The following ADGRL3 variants were observed in gnomAD, a reference collection of about 807,000 sequenced individuals.
ADGRL3 encodes calcium-independent alpha-latrotoxin receptor 3.
Under a neutral mutation model 153.5 loss-of-function variants are expected in ADGRL3, and 62 were observed. The observed-to-expected ratio is 0.40, with a 90% CI of 0.33 to 0.50. ADGRL3 has a LOEUF of 0.50. Ranked by LOEUF, ADGRL3 falls within the 20% of genes least tolerant of loss-of-function variation. The pLI is 0.47. For missense variants in ADGRL3, 1,641 were observed against 1,859.4 expected (o/e 0.88, Z 2.16); for synonymous variants, 710 against 672.5 (o/e 1.06, Z -0.86).
chr4:61,233,523 G>A (rs1446521996), intron 1 of ADGRL3, among the ~76,000 whole-genome samples: 1 of 152,140 alleles, frequency 6.6e-6, no homozygotes, highest in African/African-American at 2.4e-5. Context: ...TATTAAACAG[G>A]CAGTCGAGGA....
intron 1 of ADGRL3, among the ~76,000 whole-genome samples, 155 bp from the exon 2 acceptor site, chr4:61,382,969 A>G (rs892762441): frequency 7.9e-5 from 12 of 151,866 alleles, no homozygotes; most frequent in Non-Finnish European, 1.8e-4. Flanking sequence ...TTTCCTCTAC[A>G]TACCATAGTT....
At chr4:61,268,273 T>G (rs2092968475) in intron 1 of ADGRL3, among the ~76,000 whole-genome samples, 1 of 151,640 alleles carries the variant, frequency 6.6e-6, no homozygotes, top group Non-Finnish European at 1.5e-5. Context: ...AAAGTCCAAT[T>G]TTTGGTGCAA....
intron 2 of ADGRL3, among the ~76,000 whole-genome samples, chr4:61,404,762 A>C (rs993286553): frequency 1.3e-5 from 2 of 152,110 alleles, no homozygotes; most frequent in African/African-American, 4.8e-5. Context: ...ATATTAATCA[A>C]GAAGGCAAAT....
intron 17 of ADGRL3, among the ~76,000 whole-genome samples, chr4:61,979,121 A>C (rs909124497): frequency 3.3e-5 from 5 of 152,202 alleles, no homozygotes; most frequent in Non-Finnish European, 7.3e-5. Flanking sequence ...AACTCCTTAG[A>C]TGATTCAAAA....
chr4:61,895,671 A>G, intron 10 of ADGRL3, 60 bp from the exon 11 acceptor site: 2 of 831,508 alleles, frequency 2.4e-6, no homozygotes, highest in African/African-American at 3.5e-5. Context: ...TTTAAAATAT[A>G]CCATGGATGT....
intron 2 of ADGRL3, among the ~76,000 whole-genome samples, chr4:61,455,884 C>T (rs1468621823): frequency 1.3e-5 from 2 of 152,064 alleles, no homozygotes; most frequent in South Asian, 2.1e-4. Flanking sequence ...AGTTTGATCT[C>T]GGCTCGCTAC....
intron 6 of ADGRL3, among the ~76,000 whole-genome samples, chr4:61,682,588 C>A (rs561748904): frequency 7.5e-6 from 1 of 132,470 alleles, no homozygotes; most frequent in South Asian, 2.3e-4. Flanking sequence ...TTTTGTAGAC[C>A]TAGGGTCTCA....
At chr4:61,860,698 A>T (rs1008054419) in intron 9 of ADGRL3, among the ~76,000 whole-genome samples, 1 of 152,146 alleles carries the variant, frequency 6.6e-6, no homozygotes, top group Non-Finnish European at 1.5e-5. Flanking sequence ...GTCATATCTC[A>T]GAACCCTTTC....
At chr4:61,855,866 G>T (rs1490823240) in intron 9 of ADGRL3, among the ~76,000 whole-genome samples, 1 of 151,982 alleles carries the variant, frequency 6.6e-6, no homozygotes, top group Non-Finnish European at 1.5e-5. Flanking sequence ...ACAGTAGAAG[G>T]CAATGGGTAT....
At position 61,657,238 on chromosome 4, in the gene ADGRL3, G is replaced by A. The variant is rs907389739; in HGVS notation, c.474-19588G>A. On this transcript the variant is annotated intron_variant, in intron 5 of 26. Coordinates refer to ENST00000683033, the MANE Select transcript of ADGRL3 (RefSeq NM_001387552.1). Reference sequence around the variant, plus strand: ...TTTCCCTTAAGCTGACGCAGGTATTGCTCTATAATTAGACTATAGGGAATG... The same window carrying A: ...TTTCCCTTAAGCTGACGCAGGTATTACTCTATAATTAGACTATAGGGAATG... Among the ~76,000 whole-genome samples the A allele has an allele frequency of 8.6e-5, 13 of 152,000 alleles. 1 individual carries two copies. Among genetic ancestry groups the A allele is most frequent in the African/African-American group, 3.1e-4 (13 of 41,366 alleles).
chr4:61,592,860 C>T (rs1344846778), intron 5 of ADGRL3, among the ~76,000 whole-genome samples: 1 of 152,154 alleles, frequency 6.6e-6, no homozygotes, highest in Non-Finnish European at 1.5e-5. Context: ...CCTTTGCCCA[C>T]AGGAACTATT....
chr4:61,855,375 T>C (rs1411520630), intron 9 of ADGRL3, among the ~76,000 whole-genome samples: 2 of 152,170 alleles, frequency 1.3e-5, no homozygotes, highest in Admixed American at 6.5e-5. Flanking sequence ...AGTTTTTATA[T>C]TGAAGACTAT....
At chr4:61,491,948 G>C (rs2098262420) in intron 2 of ADGRL3, among the ~76,000 whole-genome samples, 1 of 151,978 alleles carries the variant, frequency 6.6e-6, no homozygotes, top group Non-Finnish European at 1.5e-5. Flanking sequence ...TAACACCCAA[G>C]TGATAATTCT....
intron 6 of ADGRL3, among the ~76,000 whole-genome samples, chr4:61,693,158 A>C (rs2095572030): frequency 6.6e-6 from 1 of 151,866 alleles, no homozygotes; most frequent in African/African-American, 2.4e-5. Context: ...ACTTTGTGAA[A>C]AGAAAAGTAA....
In ADGRL3 at chr4:61,846,690, T is replaced by C. The variant is rs148681511; in HGVS notation, c.1480+32801T>C. On this transcript the variant is annotated intron_variant, in intron 9 of 26. Coordinates refer to ENST00000683033, the MANE Select transcript of ADGRL3 (RefSeq NM_001387552.1). The stretch of plus-strand genomic sequence containing the variant: ...TAATTTATAAAGAAAAGAGGTTTAA[T>C]TGGCTCACAATTCTGCAGGTCGTAC... Among the ~76,000 whole-genome samples the C allele has an allele frequency of 9.2e-5, 14 of 152,172 alleles. No homozygotes were observed. The East Asian group carries it at 2.3e-3, about 25-fold the overall frequency.
chr4:61,564,215 A>G (rs906428700), intron 4 of ADGRL3, among the ~76,000 whole-genome samples: 14 of 152,084 alleles, frequency 9.2e-5, no homozygotes, highest in African/African-American at 3.4e-4. Flanking sequence ...TCTCTCAACA[A>G]TAAGGCTGTT....
intron 1 of ADGRL3, among the ~76,000 whole-genome samples, chr4:61,344,894 C>A (rs1210107210): frequency 6.6e-6 from 1 of 151,786 alleles, no homozygotes; most frequent in Non-Finnish European, 1.5e-5. Flanking sequence ...TCAAGCGATT[C>A]TCTTGCCTCT....
chr4:61,376,127 G>T (rs1399887823), intron 1 of ADGRL3, among the ~76,000 whole-genome samples: 1 of 151,970 alleles, frequency 6.6e-6, no homozygotes, highest in African/African-American at 2.4e-5. Context: ...GAACTGTTTT[G>T]TCATAGAATA....
intron 4 of ADGRL3, among the ~76,000 whole-genome samples, chr4:61,542,506 T>G (rs1244690720): frequency 6.6e-6 from 1 of 152,212 alleles, no homozygotes; most frequent in African/African-American, 2.4e-5. Flanking sequence ...ACAACCACTA[T>G]GAAGGCTTGC....
Sources: allele counts gnomAD v4.1 joint callset (sites outside exome capture counted in the v4.1 genomes callset), GRCh38; gene constraint gnomAD v4.1.1; transcripts MANE v1.5; gene names NCBI Gene and HGNC (gene_info 2026-07-23, HGNC 2026-07-21).